ZZEF1: variants seen among roughly 807,000 people sequenced by gnomAD.
The protein encoded by ZZEF1 is zinc finger ZZ-type and EF-hand domain-containing protein 1.
A neutral mutation model predicts 342.8 loss-of-function variants in ZZEF1; 157 were observed. That is an observed-to-expected ratio of 0.46 (90% CI 0.40 to 0.52). ZZEF1 has a LOEUF of 0.52. Ranked by LOEUF, ZZEF1 falls within the 20% of genes least tolerant of loss-of-function variation. ZZEF1 has a pLI of 0.00. For synonymous variants in ZZEF1, 1,505 were observed against 1,429.1 expected, an observed-to-expected ratio of 1.05 and a Z score of -1.20; for missense variants, 3,480 against 3,725.6, an observed-to-expected ratio of 0.93 and a Z score of 1.72.
chr17:4,041,717 G>C (rs189013876), intron 39 of ZZEF1, among the ~76,000 whole-genome samples: 1 of 152,018 alleles, frequency 6.6e-6, no homozygotes, highest in South Asian at 2.1e-4. Context: ...ATATTTACAG[G>C]AACAGTCTAG....
chr17:4,014,315 G>T lies in ZZEF1; in HGVS notation c.8314+32C>A. ...ATTAAGTTTAAACACTGCCTGTGAA[G>T]AACCTATCTAATCGAGTATTTGTTT... is the stretch of plus-strand genomic sequence containing the variant. On this transcript the variant is annotated intron_variant, in intron 50 of 54. Transcript: ENST00000381638. This position sits in a 1 kb window ranked among gnomAD's most constrained non-coding sequence, Gnocchi z 4.4. The T allele has an allele frequency of 6.2e-7, 1 of 1,613,690 alleles. No homozygotes were observed. The highest frequency in any genetic ancestry group is 1.1e-5 in the South Asian group (1 of 91,046).
intron 12 of ZZEF1, 114 bp from the exon 13 acceptor site, chr17:4,089,007 G>T: frequency 1.1e-6 from 1 of 891,254 alleles, no homozygotes; most frequent in Admixed American, 2.4e-5. Context: ...AATTTATTAG[G>T]AAACATTATG....
chr17:4,035,724 G>A (rs1378298854), intron 39 of ZZEF1, among the ~76,000 whole-genome samples: 1 of 152,244 alleles, frequency 6.6e-6, no homozygotes. Context: ...CATAAGGAGA[G>A]TGTTGCCACT....
In ZZEF1 at chr17:4,124,058, G is replaced by C; in HGVS notation, c.355-7C>G. ...CATCAAACTGGGCAAAGGCCTACAA[G>C]ATAAGAGATGCAAGAAAATCAGGGC... On this transcript the variant is annotated splice_region_variant and splice_polypyrimidine_tract_variant and intron_variant, in intron 1 of 54. Transcript: ENST00000381638. 6.3e-7 allele frequency: 1 copy of C among 1,598,918 alleles called. No individual in the cohort carries two copies. The highest frequency in any genetic ancestry group is 8.5e-7 in the Non-Finnish European group (1 of 1,172,498).
chr17:4,054,087 C>T lies in ZZEF1; in HGVS notation c.5404G>A (p.Asp1802Asn), dbSNP rs778322296. The T allele has an allele frequency of 6.2e-6, 10 of 1,613,426 alleles. No homozygotes were observed. Among genetic ancestry groups the T allele is most frequent in the South Asian group, 1.1e-5 (1 of 90,822 alleles). ...WHRYRCLQCS[D>N]MDLCKTCFLG... ...AAGCAAGTTTTGCAGAGATCCATGT[C>T]GCTGCACTGCAGACAGCGGTATCGA... The change falls in exon 34 of 55, where the codon GAC becomes AAC. Residue 1802 changes from aspartate to asparagine, a missense_variant. Asp to Asn is a conservative substitution (Grantham distance 23). Coordinates refer to ENST00000381638, the MANE Select transcript of ZZEF1 (RefSeq NM_015113.4).
chr17:4,046,351 C>T (rs1473442978), intron 37 of ZZEF1, among the ~76,000 whole-genome samples: 1 of 152,194 alleles, frequency 6.6e-6, no homozygotes, highest in Non-Finnish European at 1.5e-5. Context: ...CTGGGACCCT[C>T]AGGGTGCCTT....
chr17:4,066,355 T>C (rs2057394619), intron 28 of ZZEF1, 92 bp downstream of exon 28: 1 of 1,103,262 alleles, frequency 9.1e-7, no homozygotes, highest in Non-Finnish European at 1.4e-6. Context: ...ACAGCCTCAA[T>C]TAAGATAATC....
intron 9 of ZZEF1, among the ~76,000 whole-genome samples, chr17:4,101,951 ATG>A (rs1231185683): frequency 6.6e-6 from 1 of 152,068 alleles, no homozygotes; most frequent in African/African-American, 2.4e-5. Context: ...TTCTTAAACT[ATG>A]TTTTCAGTCA....
rs2056038094 is a variant in ZZEF1, at chr17:4,014,126, T to A, written c.8377A>T (p.Thr2793Ser). 9 of 1,614,094 alleles carry A rather than the reference T, an allele frequency of 5.6e-6. No homozygotes were observed. The highest frequency in any genetic ancestry group is 6.8e-6 in the Non-Finnish European group (8 of 1,180,016). Reference protein sequence around the residue: ...MSNTEWGYRFTVTAGHLGRFQ... With the variant: ...MSNTEWGYRFSVTAGHLGRFQ... ...CGCCCCAGGTGTCCGGCCGTCACGGTGAATCTGTAGCCCCACTCGGTGTTG... is the reference window on the plus strand; with the variant it reads ...CGCCCCAGGTGTCCGGCCGTCACGGAGAATCTGTAGCCCCACTCGGTGTTG... Residue 2793 changes from threonine to serine, a missense_variant, in exon 51 of 55, where the codon ACC becomes TCC. Physicochemically the swap from Thr to Ser is moderately conservative, Grantham distance 58. This residue lies in a region of ZZEF1 where 1,269 missense variants were observed against 1,342.4 expected (regional missense o/e 0.95). Transcript: ENST00000381638. The surrounding 1 kb of genome is among the most constrained non-coding windows in gnomAD (Gnocchi z 4.4).
intron 52 of ZZEF1, among the ~76,000 whole-genome samples, chr17:4,012,841 TA>T (rs1198067326): frequency 6.6e-6 from 1 of 151,892 alleles, no homozygotes; most frequent in Non-Finnish European, 1.5e-5. Context: ...AAGCTAAAAT[TA>T]AAAAATACCA....
chr17:4,007,663 C>T (rs894924357), intron 54 of ZZEF1, among the ~76,000 whole-genome samples: 2 of 152,058 alleles, frequency 1.3e-5, no homozygotes, highest in East Asian at 1.9e-4. Context: ...GGGGTGGCGG[C>T]GGCAATGCTG....
intron 16 of ZZEF1, 98 bp downstream of exon 16, chr17:4,085,572 G>C: frequency 6.9e-7 from 1 of 1,448,142 alleles, no homozygotes; most frequent in Non-Finnish European, 9.5e-7. Flanking sequence ...ACACATCTGG[G>C]ACGTTGCAAC....
intron 2 of ZZEF1, among the ~76,000 whole-genome samples, chr17:4,123,272 T>TATATAG (rs1262571535): frequency 1.8e-5 from 1 of 55,250 alleles, no homozygotes; most frequent in South Asian, 5.3e-4. Flanking sequence ...CATAACCATA[T>TATATAG]ATATATATAT....
chr17:4,124,683 C>T (rs959968692), intron 1 of ZZEF1, among the ~76,000 whole-genome samples: 15 of 150,082 alleles, frequency 1.0e-4, no homozygotes, highest in African/African-American at 3.7e-4. Context: ...GTCTCAAACT[C>T]CTGACCTCAG....
At chr17:4,045,055 G>A (rs924871949) in intron 37 of ZZEF1, among the ~76,000 whole-genome samples, 14 of 152,126 alleles carry the variant, frequency 9.2e-5, no homozygotes, top group South Asian at 6.2e-4. Context: ...TCAGGAGGCT[G>A]AGGCAGGAGA....
chr17:4,119,479 C>T (rs1180094662), intron 2 of ZZEF1, among the ~76,000 whole-genome samples: 3 of 152,216 alleles, frequency 2.0e-5, no homozygotes, highest in African/African-American at 7.2e-5. Flanking sequence ...GGTCAGGAAG[C>T]CAACATGGGG....
intron 40 of ZZEF1, 72 bp from the exon 41 acceptor site, chr17:4,033,074 C>A: frequency 7.0e-7 from 1 of 1,433,126 alleles, no homozygotes; most frequent in Admixed American, 2.3e-5. Flanking sequence ...TCACTACACT[C>A]CAAGGCAGAC....
At chr17:4,019,034 T>G (rs1188392358) in intron 46 of ZZEF1, among the ~76,000 whole-genome samples, 1 of 150,276 alleles carries the variant, frequency 6.7e-6, no homozygotes, top group African/African-American at 2.5e-5. Flanking sequence ...CCATTATATT[T>G]CTGGTTTCTT....
At chr17:4,042,653 C>T in intron 38 of ZZEF1, 85 bp from the exon 39 acceptor site, 1 of 1,347,600 alleles carries the variant, frequency 7.4e-7, no homozygotes, top group Non-Finnish European at 1.0e-6. Flanking sequence ...GTCCCCTGTG[C>T]TGCTACGGAA....
Sources: gnomAD v4.1 joint callset for allele counts (sites outside exome capture counted in the v4.1 genomes callset) on GRCh38, gnomAD v4.1.1 for gene constraint, gnomAD v4.1.1 regional missense constraint, Gnocchi (gnomAD v3.1) non-coding constraint, MANE v1.5 for transcripts, NCBI Gene and HGNC (gene_info 2026-07-23, HGNC 2026-07-21) for gene names.